ADAMTS2: variants seen among roughly 807,000 people sequenced by gnomAD.
The protein encoded by ADAMTS2 is ADAM metallopeptidase with thrombospondin type 1 motif 2.
ADAMTS2 carries 50 observed loss-of-function variants against 123.0 expected under a neutral mutation model. The ratio of observed to expected loss-of-function variants is 0.41; its 90% CI spans 0.32 to 0.51. The LOEUF (loss-of-function observed/expected upper bound fraction) is 0.51. ADAMTS2 is among the 20% of genes least tolerant of loss of function. The pLI is 0.35. For synonymous variants in ADAMTS2, 678 were observed against 695.4 expected, an observed-to-expected ratio of 0.98 and a Z score of 0.39; for missense variants, 1,494 against 1,705.2, an observed-to-expected ratio of 0.88 and a Z score of 2.18.
rs182734367 is a variant in ADAMTS2, at chr5:179,298,419, G to A, written c.535-25355C>T. Among the ~76,000 whole-genome samples, 667 of 152,262 alleles carry A rather than the reference G, an allele frequency of 4.4e-3. 7 individuals are homozygous for A. The highest frequency in any genetic ancestry group is 0.015 in the African/African-American group (613 of 41,536). On this transcript the variant is annotated intron_variant, in intron 2 of 21. Coordinates refer to ENST00000251582, the MANE Select transcript of ADAMTS2 (RefSeq NM_014244.5). ...GGAGCTTGTGCACCCTCCACTGTGT[G>A]CAAACACAGCAAGAAGGCCCCAGCT...
intron 5 of ADAMTS2, among the ~76,000 whole-genome samples, chr5:179,176,890 T>C (rs1251802556): frequency 2.7e-5 from 4 of 150,238 alleles, no homozygotes; most frequent in African/African-American, 9.8e-5. Flanking sequence ...CTGCCCTCCC[T>C]CCCCTCCCAG....
intron 11 of ADAMTS2, among the ~76,000 whole-genome samples, chr5:179,138,316 C>T (rs768078172): frequency 3.3e-5 from 5 of 152,180 alleles, no homozygotes; most frequent in Non-Finnish European, 5.9e-5. Flanking sequence ...CCCCACAGGG[C>T]GAAAACCCCA....
At chr5:179,198,766 G>A (rs1392736669) in intron 4 of ADAMTS2, among the ~76,000 whole-genome samples, 1 of 152,032 alleles carries the variant, frequency 6.6e-6, no homozygotes, top group Non-Finnish European at 1.5e-5. Flanking sequence ...CCTGAGAGGT[G>A]GCGGTTGCAG....
At position 179,126,036 on chromosome 5, in the gene ADAMTS2, G is replaced by C. The variant is rs376035745; in HGVS notation, c.2712C>G (p.Ile904Met). The change falls in exon 18 of 22, where the codon ATC (isoleucine) becomes ATG (methionine). Residue 904 changes from isoleucine (I) to methionine (M), a missense_variant. This residue lies in a region of ADAMTS2 where 953 missense variants were observed against 1,124.7 expected (regional missense o/e 0.85). Coordinates refer to ENST00000251582, the MANE Select transcript of ADAMTS2 (RefSeq NM_014244.5). ...ATTCCTGTGGGTTGCACGCTCTGCG[G>C]ATGGCTTTGGGCTTCGAGAGGGCGG... ...FCAALSKPKAIRRACNPQECS... is the reference protein window; with the variant it reads ...FCAALSKPKAMRRACNPQECS... 6.2e-7 allele frequency: 1 copy of C among 1,613,344 alleles called. No individual in the cohort carries two copies. The highest frequency in any genetic ancestry group is 1.3e-5 in the African/African-American group (1 of 74,960).
At chr5:179,237,952 C>T (rs545377276) in intron 3 of ADAMTS2, among the ~76,000 whole-genome samples, 8 of 152,304 alleles carry the variant, frequency 5.3e-5, no homozygotes, top group South Asian at 4.1e-4. Context: ...CTCCTGAGAA[C>T]GGCGGTGTTA....
Position 179,245,795 on chromosome 5 carries a change from A to C in ADAMTS2, c.688+27116T>G, listed in dbSNP as rs865864513. ...AAAAAAAAAAAAAAAAAAAAAAAAA[A>C]CAAAAAAAACAAAGATGGGGGTGGA... On this transcript the variant is annotated intron_variant, in intron 3 of 21. Coordinates refer to ENST00000251582, the MANE Select transcript of ADAMTS2 (RefSeq NM_014244.5). 1.0e-4 allele frequency among the ~76,000 whole-genome samples: 12 copies of C among 119,388 alleles called. 1 individual carries two copies. Among genetic ancestry groups the C allele is most frequent in the Non-Finnish European group, 1.7e-4 (9 of 52,052 alleles). 78.3% of individuals were successfully genotyped at this position (119,388 alleles called of 152,430 possible).
At position 179,132,710 on chromosome 5, in the gene ADAMTS2, C is replaced by T. The variant is rs1441999393; in HGVS notation, c.2209+67G>A. 3.1e-6 allele frequency: 5 copies of T among 1,608,698 alleles called. 1 individual carries two copies. Among genetic ancestry groups the T allele is most frequent in the East Asian group, 4.5e-5 (2 of 44,818 alleles). On this transcript the variant is annotated intron_variant, in intron 14 of 21. Coordinates refer to ENST00000251582, the MANE Select transcript of ADAMTS2 (RefSeq NM_014244.5). The surrounding 1 kb of genome is among the most constrained non-coding windows in gnomAD (Gnocchi z 6.1). ...ACAGCCCCAGGATGAGTCAGGCCCT[C>T]AGCTGTCCGGGCATGAGCCTGCTGC...
At chr5:179,224,606 G>A (rs961958929) in intron 3 of ADAMTS2, among the ~76,000 whole-genome samples, 3 of 152,380 alleles carry the variant, frequency 2.0e-5, no homozygotes, top group East Asian at 1.9e-4. Flanking sequence ...AGGGGGATGA[G>A]AGGGCACACT....
chr5:179,190,746 CAA>C (rs1764285910), intron 4 of ADAMTS2, among the ~76,000 whole-genome samples: 1 of 152,240 alleles, frequency 6.6e-6, no homozygotes, highest in African/African-American at 2.4e-5. Context: ...AAACTGTCAT[CAA>C]ATTACAGGAG....
intron 2 of ADAMTS2, among the ~76,000 whole-genome samples, chr5:179,336,722 C>T (rs902361022): frequency 3.9e-5 from 6 of 152,300 alleles, no homozygotes; most frequent in South Asian, 2.1e-4. Context: ...GAAGTGCGTG[C>T]GGACAGAACC....
chr5:179,290,987 G>C (rs1374513693), intron 2 of ADAMTS2, among the ~76,000 whole-genome samples: 4 of 152,204 alleles, frequency 2.6e-5, no homozygotes, highest in Non-Finnish European at 5.9e-5. Context: ...CCTCTGCCCT[G>C]TGCATGGGGC....
intron 19 of ADAMTS2, among the ~76,000 whole-genome samples, chr5:179,124,625 G>A (rs1031740866): frequency 1.3e-5 from 2 of 152,230 alleles, no homozygotes; most frequent in South Asian, 2.1e-4. Flanking sequence ...AGCCACTGGC[G>A]CCGTGAAACC....
At chr5:179,293,206 T>C (rs1756237486) in intron 2 of ADAMTS2, among the ~76,000 whole-genome samples, 1 of 152,240 alleles carries the variant, frequency 6.6e-6, no homozygotes, top group Non-Finnish European at 1.5e-5. Flanking sequence ...TGGTGTTGCT[T>C]TGTCCTGACA....
At chr5:179,333,694 G>A (rs1757538082) in intron 2 of ADAMTS2, among the ~76,000 whole-genome samples, 1 of 150,680 alleles carries the variant, frequency 6.6e-6, no homozygotes, top group Admixed American at 6.7e-5. Context: ...CCGCCTCCTG[G>A]GTTCAAGAGA....
At chr5:179,186,006 C>T (rs1172229114) in intron 4 of ADAMTS2, among the ~76,000 whole-genome samples, 2 of 152,090 alleles carry the variant, frequency 1.3e-5, no homozygotes, top group Non-Finnish European at 2.9e-5. Flanking sequence ...CTGATCCTCT[C>T]CCCAGGAAAC....
chr5:179,264,045 C>T (rs1174299196), intron 3 of ADAMTS2, among the ~76,000 whole-genome samples: 12 of 152,122 alleles, frequency 7.9e-5, no homozygotes, highest in Admixed American at 6.5e-4. Context: ...GTTTGGACCT[C>T]GGACCCAAAT....
Position 179,115,032 on chromosome 5 carries a change from C to T in ADAMTS2, c.3179-708G>A, listed in dbSNP as rs1762635561. ...ATCCCCCTATAGCACCGCCACCTTG[C>T]GCATCCAGCCATTTCCCAAAGAAAC... On this transcript the variant is annotated intron_variant, in intron 21 of 21. Coordinates refer to ENST00000251582, the MANE Select transcript of ADAMTS2 (RefSeq NM_014244.5). This position sits in a 1 kb window ranked among gnomAD's most constrained non-coding sequence, Gnocchi z 4.4. 1.3e-5 allele frequency among the ~76,000 whole-genome samples: 2 copies of T among 152,316 alleles called. No homozygotes were observed. Among genetic ancestry groups the T allele is most frequent in the South Asian group, 2.1e-4 (1 of 4,828 alleles).
intron 3 of ADAMTS2, among the ~76,000 whole-genome samples, chr5:179,240,546 C>T (rs767117798): frequency 1.1e-4 from 16 of 152,220 alleles, no homozygotes; most frequent in Admixed American, 7.8e-4. Context: ...AACACTGCAA[C>T]GGATTATGCA....
At chr5:179,138,717 G>T (rs909053829) in intron 11 of ADAMTS2, among the ~76,000 whole-genome samples, 2 of 152,220 alleles carry the variant, frequency 1.3e-5, no homozygotes, top group African/African-American at 4.8e-5. Context: ...ATCCATGCAC[G>T]AGCGTGTTCA....
Sources: gnomAD v4.1 joint callset for allele counts (sites outside exome capture counted in the v4.1 genomes callset) on GRCh38, gnomAD v4.1.1 for gene constraint, gnomAD v4.1.1 regional missense constraint, Gnocchi (gnomAD v3.1) non-coding constraint, MANE v1.5 for transcripts, NCBI Gene and HGNC (gene_info 2026-07-23, HGNC 2026-07-21) for gene names.